Variants in PCDHGA6 observed in about 807,000 individuals in gnomAD.
PCDHGA6 encodes the protein protocadherin gamma subfamily A, 6.
Under a neutral mutation model 60.6 loss-of-function variants are expected in PCDHGA6, and 41 were observed. The ratio of observed to expected loss-of-function variants is 0.68; its 90% CI spans 0.53 to 0.88. The LOEUF is 0.88. PCDHGA6 is among the 40% of genes least tolerant of loss of function. The probability of loss-of-function intolerance (pLI) is 0.00; values close to 1 mark genes in which losing one functional copy is unlikely to be tolerated. For missense variants in PCDHGA6, 1,312 were observed against 1,203.0 expected (o/e 1.09, Z -1.34); for synonymous variants, 594 against 524.4 (o/e 1.13, Z -1.81).
chr5:141,493,141 C>T lies in PCDHGA6; in HGVS notation c.2425-1666C>T, dbSNP rs1327581425. On this transcript the variant is annotated intron_variant, in intron 1 of 3. Coordinates refer to ENST00000517434, the MANE Select transcript of PCDHGA6 (RefSeq NM_018919.3). This position sits in a 1 kb window ranked among gnomAD's most constrained non-coding sequence, Gnocchi z 4.3. ...CTCCTAGGACTGTATTTTGAAACAC[C>T]CCCAGGTGATTTTGATAGCTGATTG... Among the ~76,000 whole-genome samples the T allele has an allele frequency of 1.4e-5, 2 of 146,284 alleles. No homozygotes were observed. Among genetic ancestry groups the T allele is most frequent in the East Asian group, 2.0e-4 (1 of 5,022 alleles).
At position 141,431,412 on chromosome 5, in the gene PCDHGA6, G is replaced by A. The variant is rs1458036274; in HGVS notation, c.2424+54905G>A. ...CTGGTCCTTACGGCCTCCGACGGGG[G>A]CGACCCGGTGCGCACAGGCACCGCG... On this transcript the variant is annotated intron_variant, in intron 1 of 3. Transcript: ENST00000517434. This position sits in a 1 kb window ranked among gnomAD's most constrained non-coding sequence, Gnocchi z 4.8. 1 of 1,613,596 alleles carries A rather than the reference G, an allele frequency of 6.2e-7. No homozygotes were observed. Among genetic ancestry groups the A allele is most frequent in the Non-Finnish European group, 8.5e-7 (1 of 1,180,058 alleles).
At position 141,375,572 on chromosome 5, in the gene PCDHGA6, CA is replaced by C; in HGVS notation, c.1490del (p.Gln497ArgfsTer29). The C allele has an allele frequency of 1.2e-6, 2 of 1,614,102 alleles. No individual in the cohort carries two copies. The highest frequency in any genetic ancestry group is 1.7e-6 in the Non-Finnish European group (2 of 1,179,984). ...VSYSLAEDTL[Q>X]GAPLSSYVSI... ...CTACTCACTGGCAGAAGACACCCTC[CA>C]GGGGGCGCCCCTGTCCTCCTACGTG... On this transcript the variant is annotated frameshift_variant, in exon 1 of 4. Coordinates refer to ENST00000517434, the MANE Select transcript of PCDHGA6 (RefSeq NM_018919.3). LOFTEE classifies it high-confidence loss of function.
rs567684479 is a variant in PCDHGA6 at position 141,432,875 on chromosome 5, G to T, written c.2424+56368G>T. The T allele has an allele frequency of 6.2e-7, 1 of 1,614,178 alleles. No individual in the cohort carries two copies. Among genetic ancestry groups the T allele is most frequent in the South Asian group, 1.1e-5 (1 of 91,084 alleles). ...GGCCGCGGTCTCCTGCGTCTTCCTG[G>T]CCTTCGTCATCTTGCTGCTGGCGCT... On this transcript the variant is annotated intron_variant, in intron 1 of 3. Coordinates refer to ENST00000517434, the MANE Select transcript of PCDHGA6 (RefSeq NM_018919.3). This position sits in a 1 kb window ranked among gnomAD's most constrained non-coding sequence, Gnocchi z 6.0.
intron 1 of PCDHGA6, chr5:141,392,652 A>T: frequency 1.4e-6 from 1 of 713,126 alleles, no homozygotes; most frequent in South Asian, 2.2e-5. Flanking sequence ...GAAGACCCGC[A>T]GATGCCACAA....
chr5:141,426,829 A>G, intron 1 of PCDHGA6: 2 of 456,716 alleles, frequency 4.4e-6, no homozygotes, highest in South Asian at 3.1e-5. Context: ...CTGATGATGG[A>G]CAAGACTAAA....
chr5:141,419,571 G>C, intron 1 of PCDHGA6: 1 of 1,611,704 alleles, frequency 6.2e-7, no homozygotes. Context: ...GGTCCCGACG[G>C]CTCCGCGCTC....
In PCDHGA6 at chr5:141,487,822, G is replaced by T. The variant is rs1406642768; in HGVS notation, c.2425-6985G>T. ...TGTCACAGTTTAGCATTGGGGGCGG[G>T]TCATGCCTATATCTGAGTAAGAAAT... On this transcript the variant is annotated intron_variant, in intron 1 of 3. Coordinates refer to ENST00000517434, the MANE Select transcript of PCDHGA6 (RefSeq NM_018919.3). This position sits in a 1 kb window ranked among gnomAD's most constrained non-coding sequence, Gnocchi z 5.0. The T allele has an allele frequency of 3.1e-6, 4 of 1,278,640 alleles. No homozygotes were observed. The East Asian group carries it at 7.6e-5, about 24-fold the overall frequency. 79.2% of individuals were successfully genotyped at this position (1,278,640 alleles called of 1,614,324 possible). A position where few individuals can be genotyped will look rare whatever the true frequency, so the allele number is the denominator to read the frequency against.
chr5:141,397,961 G>C, intron 1 of PCDHGA6: 2 of 1,038,400 alleles, frequency 1.9e-6, no homozygotes, highest in Non-Finnish European at 2.7e-6. Context: ...CCCCAGCTCA[G>C]ACTCCCCAGC....
Position 141,430,800 on chromosome 5 carries a change from T to C in PCDHGA6, c.2424+54293T>C, listed in dbSNP as rs770490590. 2.6e-6 allele frequency: 4 copies of C among 1,524,818 alleles called. No homozygotes were observed. In the South Asian group the frequency reaches 5.3e-5, roughly 20 times the overall value. 94.5% of individuals were successfully genotyped at this position (1,524,818 alleles called of 1,614,324 possible). A position where few individuals can be genotyped will look rare whatever the true frequency, so the allele number is the denominator to read the frequency against. ...CTGCACCGGGACTACAAAGGGCTTG[T>C]CCTGCTGGGAATCCTCCTGGGGACT... is the stretch of plus-strand genomic sequence containing the variant. On this transcript the variant is annotated intron_variant, in intron 1 of 3. Transcript: ENST00000517434.
chr5:141,382,965 C>T, intron 1 of PCDHGA6: 1 of 1,608,730 alleles, frequency 6.2e-7, no homozygotes, highest in East Asian at 2.2e-5. Flanking sequence ...TCCTGGGGAC[C>T]CCCTGGGAAG....
intron 1 of PCDHGA6, chr5:141,388,598 T>C: frequency 1.2e-6 from 2 of 1,613,920 alleles, no homozygotes; most frequent in Non-Finnish European, 1.7e-6. Context: ...CCAATGATAA[T>C]GCTCCAGTGT....
At chr5:141,468,837 G>T in intron 1 of PCDHGA6, among the ~76,000 whole-genome samples, 1 of 152,108 alleles carries the variant, frequency 6.6e-6, no homozygotes, top group South Asian at 2.1e-4. Flanking sequence ...CTGCACTCCA[G>T]CCTGGGCAAC....
intron 1 of PCDHGA6, chr5:141,428,330 T>C: frequency 1.6e-6 from 1 of 628,558 alleles, no homozygotes; most frequent in Non-Finnish European, 2.9e-6. Flanking sequence ...TTGATTTCTA[T>C]GCTCTTCTTC....
At chr5:141,488,578 G>A (rs1286219713) in intron 1 of PCDHGA6, among the ~76,000 whole-genome samples, 2 of 152,178 alleles carry the variant, frequency 1.3e-5, no homozygotes, top group Non-Finnish European at 2.9e-5. Flanking sequence ...AGCATTGCTG[G>A]AGAGTCAGGG....
At chr5:141,416,530 G>A (rs976560428) in intron 1 of PCDHGA6, 2 of 152,160 alleles carry the variant, frequency 1.3e-5, no homozygotes, top group Non-Finnish European at 2.9e-5. Flanking sequence ...GCTCTTTAAT[G>A]TATAAGGAGG....
At position 141,374,902 on chromosome 5, in the gene PCDHGA6, C is replaced by T. The variant is rs1481689020; in HGVS notation, c.819C>T (p.Val273=). 2 of 1,613,754 alleles carry T rather than the reference C, an allele frequency of 1.2e-6. No individual in the cohort carries two copies. The highest frequency in any genetic ancestry group is 1.6e-4 in the Middle Eastern group (1 of 6,062). ...CTGCCACCGACCAGGATGAAGGAGTCCACGGGGAAGTAACTTATTCCTTTG... is the reference window on the plus strand; with the variant it reads ...CTGCCACCGACCAGGATGAAGGAGTTCACGGGGAAGTAACTTATTCCTTTG... ...AVTATDQDEG[V]HGEVTYSFVK... The change falls in exon 1 of 4, where the codon GTC becomes GTT. Residue 273 remains valine, a synonymous_variant. Coordinates refer to ENST00000517434, the MANE Select transcript of PCDHGA6 (RefSeq NM_018919.3).
chr5:141,376,171 G>C lies in PCDHGA6; in HGVS notation c.2088G>C (p.Ala696=), dbSNP rs758847977. ...DSDLTLYLVV[A]VAAVSCVFLA... ...ACCTCACTCTGTACCTGGTGGTGGC[G>C]GTGGCCGCGGTCTCCTGCGTCTTCC... Residue 696 remains alanine, a synonymous_variant, in exon 1 of 4, where the codon GCG becomes GCC. Coordinates refer to ENST00000517434, the MANE Select transcript of PCDHGA6 (RefSeq NM_018919.3). 5 of 1,614,096 alleles carry C rather than the reference G, an allele frequency of 3.1e-6. No homozygotes were observed.
chr5:141,413,453 G>A lies in PCDHGA6; in HGVS notation c.2424+36946G>A, dbSNP rs761986113. 1.9e-5 allele frequency: 31 copies of A among 1,613,986 alleles called. 2 individuals carry two copies. In the South Asian group the frequency reaches 3.1e-4, roughly 16 times the overall value. On this transcript the variant is annotated intron_variant, in intron 1 of 3. Coordinates refer to ENST00000517434, the MANE Select transcript of PCDHGA6 (RefSeq NM_018919.3). ...AGCGGCAGCTTGATCACCGCGGGCA[G>A]GATAGACCGGGAGGAGCTCTGCGCT...
chr5:141,409,203 T>TC, intron 1 of PCDHGA6: 1 of 1,613,964 alleles, frequency 6.2e-7, no homozygotes, highest in Non-Finnish European at 8.5e-7. Context: ...TGTAAAGTAA[T>TC]CATAGAAATC....
Sources: gnomAD v4.1 joint callset for allele counts (sites outside exome capture counted in the v4.1 genomes callset) on GRCh38, gnomAD v4.1.1 for gene constraint, Gnocchi (gnomAD v3.1) non-coding constraint, MANE v1.5 for transcripts, NCBI Gene and HGNC (gene_info 2026-07-23, HGNC 2026-07-21) for gene names.